CCR6: variants seen among roughly 807,000 people sequenced by gnomAD.
The protein encoded by CCR6 is C-C chemokine receptor type 6.
In CCR6, 2 loss-of-function variants were observed where a neutral mutation model predicts 3.0. That is an observed-to-expected ratio of 0.66 (90% confidence interval 0.27 to 2.07). The LOEUF is 2.07. Among genes scored for constraint, CCR6 ranks in the 30% most tolerant of loss-of-function variants. The pLI, the probability that CCR6 is intolerant of heterozygous loss-of-function variation, is 0.14. For missense variants in CCR6, 322 were observed against 462.8 expected (o/e 0.70, Z 2.79); for synonymous variants, 193 against 184.3 (o/e 1.05, Z -0.38).
intron 1 of CCR6, among the ~76,000 whole-genome samples, chr6:167,112,179 A>G (rs1781425522): frequency 1.3e-5 from 2 of 152,260 alleles, no homozygotes; most frequent in Non-Finnish European, 2.9e-5. Context: ...CCAAAAAGAA[A>G]GAAGAGATGC....
chr6:167,113,208 C>T (rs1366795328), intron 1 of CCR6, among the ~76,000 whole-genome samples: 1 of 152,118 alleles, frequency 6.6e-6, no homozygotes, highest in Non-Finnish European at 1.5e-5. Flanking sequence ...TGTACCCAAA[C>T]TTGGTGTGTT....
chr6:167,122,056 G>A (rs1326308385), upstream of CCR6, among the ~76,000 whole-genome samples: 2 of 152,120 alleles, frequency 1.3e-5, no homozygotes, highest in African/African-American at 2.4e-5. This position sits in a 1 kb window ranked among gnomAD's most constrained non-coding sequence, Gnocchi z 4.2. Flanking sequence ...GGCTCACTCA[G>A]GCGTGAGGAC....
rs762913226 is a variant in CCR6, at chr6:167,136,140, C to T, written c.6C>T (p.Ser2=). 18 of 1,613,678 alleles carry T rather than the reference C, an allele frequency of 1.1e-5. No homozygotes were observed. Among genetic ancestry groups the T allele is most frequent in the Middle Eastern group, 1.6e-4 (1 of 6,082 alleles). M[S]GESMNFSDVF... ...TTGCATTTTTTCTGCCCACAATGAG[C>T]GGGGTAAGATTTTTATTTTTGGCAA... The change falls in exon 2 of 3, where the codon AGC becomes AGT. Residue 2 remains serine, a synonymous_variant. Transcript: ENST00000341935. This position sits in a 1 kb window ranked among gnomAD's most constrained non-coding sequence, Gnocchi z 4.6.
intron 1 of CCR6, chr6:167,131,089 C>T (rs2114929830): frequency 6.6e-6 from 1 of 152,304 alleles, no homozygotes; most frequent in South Asian, 2.1e-4. Flanking sequence ...GGATCCATCA[C>T]ACAGGCGCCC....
intron 1 of CCR6, among the ~76,000 whole-genome samples, chr6:167,112,589 G>A (rs1048879983): frequency 6.6e-6 from 1 of 152,136 alleles, no homozygotes; most frequent in African/African-American, 2.4e-5. Flanking sequence ...TCACCCTGGG[G>A]GCTGTGGCTG....
intron 1 of CCR6, among the ~76,000 whole-genome samples, chr6:167,114,280 T>G (rs1781458252): frequency 6.6e-6 from 1 of 152,182 alleles, no homozygotes; most frequent in African/African-American, 2.4e-5. Flanking sequence ...TCCTAGGGGC[T>G]GGTGGAGATG....
At chr6:167,125,115 T>A (rs752007528) in intron 1 of CCR6, among the ~76,000 whole-genome samples, 2 of 151,138 alleles carry the variant, frequency 1.3e-5, no homozygotes, top group Non-Finnish European at 3.0e-5. Context: ...CACACCGACA[T>A]ATGCACACAC....
intron 1 of CCR6, chr6:167,126,727 A>C (rs1781674202): frequency 6.6e-6 from 1 of 152,294 alleles, no homozygotes; most frequent in Admixed American, 6.5e-5. Context: ...CTTGAATTGC[A>C]GTTCCCATAA....
chr6:167,118,997 T>G (rs1344485436), upstream of CCR6, among the ~76,000 whole-genome samples: 1 of 152,132 alleles, frequency 6.6e-6, no homozygotes, highest in Non-Finnish European at 1.5e-5. Flanking sequence ...TCCCTGTCCC[T>G]CCACGGCCCA....
At chr6:167,114,354 G>A (rs1194380192) in intron 1 of CCR6, among the ~76,000 whole-genome samples, 1 of 152,206 alleles carries the variant, frequency 6.6e-6, no homozygotes, top group East Asian at 1.9e-4. Context: ...CCTGCTCCCA[G>A]GTGGTCTTCT....
In CCR6 at chr6:167,129,238, T is replaced by G. The variant is rs1462746637; in HGVS notation, c.-98+6015T>G. ...CATGGTTCCTCTTCTTGATTGCTTATAAGTTTCAGATTTTATCGTAAGTGT... is the reference window on the plus strand; with the variant it reads ...CATGGTTCCTCTTCTTGATTGCTTAGAAGTTTCAGATTTTATCGTAAGTGT... On this transcript the variant is annotated intron_variant, in intron 1 of 2. Coordinates refer to ENST00000341935, the MANE Select transcript of CCR6 (RefSeq NM_031409.4). 2.0e-5 allele frequency among the ~76,000 whole-genome samples: 3 copies of G among 152,214 alleles called. No individual in the cohort carries two copies. The East Asian group carries it at 5.8e-4, about 29-fold the overall frequency.
In CCR6 at chr6:167,136,833, C is replaced by T. The variant is rs556214875; in HGVS notation, c.603C>T (p.Tyr201=). The part of the protein sequence containing the change: ...TQGSDVCEPK[Y]QTVSEPIRWK... ...GCAGCGATGTCTGTGAACCCAAGTA[C>T]CAGACTGTCTCGGAGCCCATCAGGT... is the stretch of plus-strand genomic sequence containing the variant. Residue 201 remains tyrosine, a synonymous_variant, in exon 3 of 3, where the codon TAC becomes TAT. Transcript: ENST00000341935. This position sits in a 1 kb window ranked among gnomAD's most constrained non-coding sequence, Gnocchi z 4.6. The T allele has an allele frequency of 1.2e-6, 2 of 1,614,154 alleles. No individual in the cohort carries two copies. Among genetic ancestry groups the T allele is most frequent in the South Asian group, 2.2e-5 (2 of 91,090 alleles).
intron 1 of CCR6, among the ~76,000 whole-genome samples, chr6:167,126,948 C>T (rs1781676940): frequency 6.6e-6 from 1 of 152,118 alleles, no homozygotes; most frequent in South Asian, 2.1e-4. Flanking sequence ...TTCCTGAGGC[C>T]TCCCCAGCCA....
chr6:167,136,481 A>G lies in CCR6; in HGVS notation c.251A>G (p.Tyr84Cys). The G allele has an allele frequency of 6.3e-7, 1 of 1,597,570 alleles. No individual in the cohort carries two copies. Among genetic ancestry groups the G allele is most frequent in the Non-Finnish European group, 8.5e-7 (1 of 1,171,550 alleles). The change falls in exon 3 of 3, where the codon TAT becomes TGT. Residue 84 changes from tyrosine (Y) to cysteine (C), a missense_variant. Physicochemically the swap from Tyr to Cys is radical, Grantham distance 194. Transcript: ENST00000341935. This position sits in a 1 kb window ranked among gnomAD's most constrained non-coding sequence, Gnocchi z 4.6. ...AAGGCCAGGTCTATGACAGACGTCT[A>G]TCTCTTGAACATGGCCATTGCAGAC... The part of the protein sequence containing the change: ...YKKARSMTDV[Y>C]LLNMAIADIL...
chr6:167,117,403 C>CTTTTTTT (rs1304218953), intron 1 of CCR6, among the ~76,000 whole-genome samples: 6 of 105,022 alleles, frequency 5.7e-5, no homozygotes, highest in African/African-American at 1.4e-4. Context: ...ACTCTATTTT[C>CTTTTTTT]TTTTTTTTTT....
chr6:167,129,842 T>C (rs1233306197), intron 1 of CCR6, among the ~76,000 whole-genome samples: 1 of 151,670 alleles, frequency 6.6e-6, no homozygotes, highest in Non-Finnish European at 1.5e-5. Context: ...AATGAGTTAC[T>C]GAGACAGCAA....
chr6:167,137,241 G>A lies in CCR6; in HGVS notation c.1011G>A (p.Val337=). Residue 337 remains valine (V), a synonymous_variant, in exon 3 of 3, where the codon GTG becomes GTA. Transcript: ENST00000341935. This position sits in a 1 kb window ranked among gnomAD's most constrained non-coding sequence, Gnocchi z 4.6. ...AGATCTTGAAGGACCTGTGGTGTGT[G>A]AGAAGGAAGTACAAGTCCTCAGGCT... ...FLKILKDLWC[V]RRKYKSSGFS... The A allele has an allele frequency of 6.2e-7, 1 of 1,614,188 alleles. No homozygotes were observed. The highest frequency in any genetic ancestry group is 8.5e-7 in the Non-Finnish European group (1 of 1,180,038).
At chr6:167,131,121 C>T (rs1781757180) in intron 1 of CCR6, 1 of 152,254 alleles carries the variant, frequency 6.6e-6, no homozygotes, top group Non-Finnish European at 1.5e-5. Flanking sequence ...TTCTGTTCAC[C>T]AAGAGTTACT....
intron 1 of CCR6, among the ~76,000 whole-genome samples, chr6:167,135,759 G>A (rs920323586): frequency 3.3e-5 from 5 of 152,190 alleles, no homozygotes; most frequent in South Asian, 2.1e-4. Context: ...GGACCCCGGC[G>A]AGGCCTGTTC....
Sources: gnomAD v4.1 joint callset for allele counts (sites outside exome capture counted in the v4.1 genomes callset) on GRCh38, gnomAD v4.1.1 for gene constraint, Gnocchi (gnomAD v3.1) non-coding constraint, MANE v1.5 for transcripts, NCBI Gene and HGNC (gene_info 2026-07-23, HGNC 2026-07-21) for gene names.